The following ROGDI variants were observed in gnomAD, a reference collection of about 807,000 sequenced individuals.
ROGDI encodes rogdi atypical leucine zipper.
In ROGDI, 46 loss-of-function variants were observed where a neutral mutation model predicts 43.1. The ratio of observed to expected loss-of-function variants is 1.07; its 90% confidence interval spans 0.84 to 1.37. ROGDI has a LOEUF of 1.37. ROGDI is among the 40% of genes most tolerant of loss of function. The probability of loss-of-function intolerance (pLI) is 0.00; values close to 1 mark genes in which losing one functional copy is unlikely to be tolerated. For missense variants in ROGDI, 518 were observed against 383.9 expected (o/e 1.35, Z -2.92); for synonymous variants, 243 against 162.0 (o/e 1.50, Z -3.80).
At chr16:4,798,767 A>G (rs2082684845) in intron 6 of ROGDI, 100 bp from the exon 7 acceptor site, 2 of 1,020,606 alleles carry the variant, frequency 2.0e-6, no homozygotes, top group African/African-American at 3.2e-5. Context: ...CCCAGTGGCT[A>G]CTGTTCCCAG....
At chr16:4,801,099 A>C in intron 4 of ROGDI, 168 bp downstream of exon 4, 9 of 568,026 alleles carry the variant, frequency 1.6e-5, no homozygotes, top group Non-Finnish European at 2.8e-5. Context: ...CTGCACACCG[A>C]TCCCGGGAGA....
At chr16:4,797,868 A>G (rs773802205) in intron 9 of ROGDI, 28 bp from the exon 10 acceptor site, 1 of 1,609,012 alleles carries the variant, frequency 6.2e-7, no homozygotes, top group Non-Finnish European at 8.5e-7. Flanking sequence ...GTCCCTGAGG[A>G]GGGTCCCGGC....
Position 4,798,151 on chromosome 16 carries a change from G to C in ROGDI, c.565C>G (p.Leu189Val), listed in dbSNP as rs770080183. Reference protein sequence around the residue: ...MFAPALPSDLLVNVYINLNKL... With the variant: ...MFAPALPSDLVVNVYINLNKL... ...TTGAGGTTGATGTAGACGTTGACCA[G>C]CAGGTCGGACGGCAGGGCAGGGGCG... The change falls in exon 8 of 11, where the codon CTG (leucine) becomes GTG (valine). Residue 189 changes from leucine to valine, a missense_variant. By Grantham distance (32) the Leu-to-Val change is conservative. Coordinates refer to ENST00000322048, the MANE Select transcript of ROGDI (RefSeq NM_024589.3). The C allele has an allele frequency of 6.2e-7, 1 of 1,614,040 alleles. No homozygotes were observed. The highest frequency in any genetic ancestry group is 1.1e-5 in the South Asian group (1 of 91,090).
At chr16:4,798,232 C>A (rs765163435) in intron 7 of ROGDI, 48 bp from the exon 8 acceptor site, 13 of 1,494,626 alleles carry the variant, frequency 8.7e-6, no homozygotes, top group South Asian at 3.5e-5. Context: ...CCAGCCCAGG[C>A]TGGATGGAGC....
intron 3 of ROGDI, 65 bp downstream of exon 3, chr16:4,801,438 C>T: frequency 1.3e-6 from 2 of 1,568,394 alleles, no homozygotes; most frequent in South Asian, 1.1e-5. Flanking sequence ...CAGGACAGGG[C>T]TATGGCCATG....
At chr16:4,801,772 C>G in intron 2 of ROGDI, 187 bp from the exon 3 acceptor site, 1 of 613,638 alleles carries the variant, frequency 1.6e-6, no homozygotes, top group Non-Finnish European at 2.9e-6. Flanking sequence ...TGAGCCCGAT[C>G]TCTGCTTATA....
At chr16:4,801,946 G>A (rs2082730705) in intron 2 of ROGDI, 2 of 573,436 alleles carry the variant, frequency 3.5e-6, no homozygotes, top group Admixed American at 2.3e-5. Context: ...GCACTACGCC[G>A]GTTACTTCTG....
chr16:4,801,692 C>G (rs943714898), intron 2 of ROGDI, 107 bp from the exon 3 acceptor site: 4 of 1,096,364 alleles, frequency 3.6e-6, no homozygotes, highest in Non-Finnish European at 5.3e-6. Context: ...GAAGGAACAA[C>G]GTGGCCTGGC....
intron 2 of ROGDI, chr16:4,801,917 C>T: frequency 1.8e-6 from 1 of 559,534 alleles, no homozygotes; most frequent in Non-Finnish European, 3.3e-6. Flanking sequence ...TGGTAACCCG[C>T]GGTCCTGGGC....
rs1223778700 is a variant in ROGDI at position 4,798,632 on chromosome 16, G to A, written c.468C>T (p.Ala156=). 2 of 1,574,714 alleles carry A rather than the reference G, an allele frequency of 1.3e-6. No individual in the cohort carries two copies. Among genetic ancestry groups the A allele is most frequent in the East Asian group, 2.3e-5 (1 of 43,840 alleles). ...MDAVMLQLTR[A]RNRLTTPATL... ...TGGCGGGGGTGGTGAGCCGGTTTCG[G>A]GCTCTGGTCAGCTGCAGCATCACTG... is the stretch of plus-strand genomic sequence containing the variant. Residue 156 remains alanine (A), a synonymous_variant, in exon 7 of 11, where the codon GCC becomes GCT. Coordinates refer to ENST00000322048, the MANE Select transcript of ROGDI (RefSeq NM_024589.3).
At chr16:4,800,932 T>A (rs2082707592) in intron 4 of ROGDI, 1 of 504,874 alleles carries the variant, frequency 2.0e-6, no homozygotes, top group Admixed American at 3.7e-5. Context: ...CACGCCTTGG[T>A]GCCTGGCACA....
intron 7 of ROGDI, 83 bp downstream of exon 7, chr16:4,798,486 A>C: frequency 1.9e-6 from 2 of 1,073,286 alleles, no homozygotes; most frequent in Non-Finnish European, 2.6e-6. Flanking sequence ...TGGGAGTGGC[A>C]CCCCTCCGCG....
rs201865380 is a variant in ROGDI at position 4,801,304 on chromosome 16, C to T, written c.218G>A (p.Gly73Asp). ...GGCATCCCCCTGCAGAGTCAGCACA[C>T]CCTTCACCTGGTCTGTGCTGTAACA... ...LGSCGTDQVK[G>D]VLTLQGDALS... The change falls in exon 4 of 11, where the codon GGT (glycine) becomes GAT (aspartate). Residue 73 changes from glycine (G) to aspartate (D), a missense_variant. Coordinates refer to ENST00000322048, the MANE Select transcript of ROGDI (RefSeq NM_024589.3). The T allele has an allele frequency of 1.9e-6, 3 of 1,609,402 alleles. No individual in the cohort carries two copies. Among genetic ancestry groups the T allele is most frequent in the Non-Finnish European group, 1.7e-6 (2 of 1,176,756 alleles).
At chr16:4,799,058 G>A (rs1244984452) in intron 6 of ROGDI, among the ~76,000 whole-genome samples, 2 of 152,076 alleles carry the variant, frequency 1.3e-5, no homozygotes, top group Non-Finnish European at 2.9e-5. Context: ...GGTTTTCAGG[G>A]GGGTAAGCCA....
chr16:4,797,702 G>GC lies in ROGDI; in HGVS notation c.822+11dup. 1 of 1,614,028 alleles carries GC rather than the reference G, an allele frequency of 6.2e-7. No individual in the cohort carries two copies. The highest frequency in any genetic ancestry group is 8.5e-7 in the Non-Finnish European group (1 of 1,179,952). Reference sequence around the variant, plus strand: ...GTCCTTCCCCTAATGAAGGCGCTCGGCCCGGGCCCACCTTGTCCTTGAGCT... The same window carrying GC: ...GTCCTTCCCCTAATGAAGGCGCTCGGCCCCGGGCCCACCTTGTCCTTGAGCT... On this transcript the variant is annotated intron_variant, in intron 10 of 10. Coordinates refer to ENST00000322048, the MANE Select transcript of ROGDI (RefSeq NM_024589.3).
In ROGDI at chr16:4,799,746, A is replaced by G; in HGVS notation, c.372T>C (p.Ile124=). 6.2e-7 allele frequency: 1 copy of G among 1,613,680 alleles called. No homozygotes were observed. Among genetic ancestry groups the G allele is most frequent in the South Asian group, 1.1e-5 (1 of 91,064 alleles). Residue 124 remains isoleucine, a synonymous_variant, in exon 6 of 11, where the codon ATT becomes ATC. Coordinates refer to ENST00000322048, the MANE Select transcript of ROGDI (RefSeq NM_024589.3). ...QDARNHVSQA[I]YLLTSRDQSY... is the part of the protein sequence containing the mutation. ...TCTGGTCCCGGCTGGTAAGCAGGTA[A>G]ATGGCTTGGCTCACATGGTTTCTGG...
intron 10 of ROGDI, 33 bp downstream of exon 10, chr16:4,797,680 CT>C (rs1275311295): frequency 9.2e-7 from 1 of 1,085,382 alleles, no homozygotes; most frequent in East Asian, 3.6e-5. Flanking sequence ...CTTAGAAGTC[CT>C]TCCCCTAATG....
In ROGDI at chr16:4,797,298, A is replaced by C; in HGVS notation, c.*162T>G. ...CAAACCAGCCTTCCTTCCTCCTGGC[A>C]CTTCCAGTGTCCATTCCCGGCAGTG... On this transcript the variant is annotated 3_prime_UTR_variant, in exon 11 of 11. Coordinates refer to ENST00000322048, the MANE Select transcript of ROGDI (RefSeq NM_024589.3). 1 of 661,808 alleles carries C rather than the reference A, an allele frequency of 1.5e-6. No individual in the cohort carries two copies. Among genetic ancestry groups the C allele is most frequent in the Non-Finnish European group, 2.5e-6 (1 of 394,242 alleles). The allele number at this position is 661,808 out of a possible 1,614,324, so 41.0% of individuals were successfully genotyped here. A position where few individuals can be genotyped will look rare whatever the true frequency, so the allele number is the denominator to read the frequency against.
In ROGDI at chr16:4,797,789, G is replaced by A. The variant is rs375794279; in HGVS notation, c.747C>T (p.Cys249=). ...GGGCGTCGTTGAGCCAGGGGATCACGCACTCCACTTTGTGCACGTGGCTCA... is the reference window on the plus strand; with the variant it reads ...GGGCGTCGTTGAGCCAGGGGATCACACACTCCACTTTGTGCACGTGGCTCA... ...LEVSHVHKVE[C]VIPWLNDALV... is the part of the protein sequence containing the mutation. Residue 249 remains cysteine (C), a synonymous_variant, in exon 10 of 11, where the codon TGC becomes TGT. Transcript: ENST00000322048. The A allele has an allele frequency of 1.0e-4, 161 of 1,613,358 alleles. No homozygotes were observed. The highest frequency in any genetic ancestry group is 2.1e-4 in the South Asian group (19 of 91,086).
Sources: allele counts gnomAD v4.1 joint callset (sites outside exome capture counted in the v4.1 genomes callset), GRCh38; gene constraint gnomAD v4.1.1; transcripts MANE v1.5; gene names NCBI Gene and HGNC (gene_info 2026-07-23, HGNC 2026-07-21).